Variants in LINGO3 observed in about 807,000 individuals in gnomAD.
The protein encoded by LINGO3 is leucine-rich repeat and immunoglobulin-like domain-containing nogo receptor-interacting protein 3.
For synonymous variants in LINGO3, 427 were observed against 444.2 expected (o/e 0.96, Z 0.49); for missense variants, 750 against 867.7 (o/e 0.86, Z 1.70).
At chr19:2,288,042 G>C (rs2025481961), downstream of LINGO3, among the ~76,000 whole-genome samples, 1 of 152,186 alleles carries the variant, frequency 6.6e-6, no homozygotes, top group Non-Finnish European at 1.5e-5. The surrounding 1 kb of genome is among the most constrained non-coding windows in gnomAD (Gnocchi z 6.5). Flanking sequence ...TGGTCCCTGT[G>C]GTCCCGGTCT....
chr19:2,289,870 A>G (rs2025500881), exon 1 of LINGO3: 2 of 761,574 alleles, frequency 2.6e-6, no homozygotes, highest in South Asian at 1.9e-5. Flanking sequence ...GGCGTCTACA[A>G]AAAAAGGGGA....
chr19:2,289,481 C>T (rs1287370732), downstream of LINGO3, among the ~76,000 whole-genome samples: 1 of 151,968 alleles, frequency 6.6e-6, no homozygotes, highest in Non-Finnish European at 1.5e-5. Context: ...AGGTGTAGGA[C>T]GGCCAGGTGT....
chr19:2,304,960 C>T, the LINGO3 span, among the ~76,000 whole-genome samples: 7 of 152,052 alleles, frequency 4.6e-5, no homozygotes, highest in East Asian at 3.9e-4. Flanking sequence ...CTGCCTGCCT[C>T]GGCCTTCCAA....
exon 1 of LINGO3, chr19:2,289,865 CTA>C: frequency 1.4e-6 from 1 of 713,828 alleles, no homozygotes; most frequent in Non-Finnish European, 2.3e-6. Context: ...GGTTGGGCGT[CTA>C]CAAAAAAAGG....
Position 2,291,835 on chromosome 19 carries a change from G to A in LINGO3, c.-59C>T. On this transcript the variant is annotated 5_prime_UTR_variant, in exon 1 of 1. Coordinates refer to ENST00000585527, the Ensembl canonical transcript of LINGO3. ...TCCTCCTGCGCACCTGCGGGCGGGC[G>A]GGGAGCGGGCAGCGTTAGCACCGTT... 1 of 1,406,504 alleles carries A rather than the reference G, an allele frequency of 7.1e-7. No individual in the cohort carries two copies. The highest frequency in any genetic ancestry group is 9.5e-7 in the Non-Finnish European group (1 of 1,050,014). The allele number at this position is 1,406,504 out of a possible 1,614,324, so 87.1% of individuals were successfully genotyped here. A position where few individuals can be genotyped will look rare whatever the true frequency, so the allele number is the denominator to read the frequency against.
At chr19:2,291,849 G>A (rs2025528301) in exon 1 of LINGO3, 1 of 1,232,464 alleles carries the variant, frequency 8.1e-7, no homozygotes. Context: ...AGCGGGCAGC[G>A]TTAGCACCGT....
upstream of LINGO3, among the ~76,000 whole-genome samples, chr19:2,292,427 C>G (rs528107280): frequency 5.2e-4 from 69 of 131,584 alleles, no homozygotes; most frequent in Non-Finnish European, 9.2e-4. Context: ...AAAAAAAAAG[C>G]AGCATTGATC....
At chr19:2,296,890 C>T (rs529097233), upstream of LINGO3, among the ~76,000 whole-genome samples, 21 of 151,398 alleles carry the variant, frequency 1.4e-4, no homozygotes, top group Admixed American at 3.9e-4. Context: ...AGATCGAGAC[C>T]ATCCTGGCTA....
chr19:2,301,632 C>T, the LINGO3 span, among the ~76,000 whole-genome samples: 2 of 152,066 alleles, frequency 1.3e-5, no homozygotes, highest in Non-Finnish European at 2.9e-5. Flanking sequence ...GAAGCAGGTA[C>T]AAGACGCGAC....
upstream of LINGO3, among the ~76,000 whole-genome samples, chr19:2,294,928 G>A (rs2025560142): frequency 6.6e-6 from 1 of 152,050 alleles, no homozygotes. This position sits in a 1 kb window ranked among gnomAD's most constrained non-coding sequence, Gnocchi z 4.3. Context: ...TGGCATCTTG[G>A]CAGCTGAGCC....
Position 2,290,855 on chromosome 19 carries a change from C to T in LINGO3, c.922G>A (p.Val308Met). 1 of 1,611,776 alleles carries T rather than the reference C, an allele frequency of 6.2e-7. No homozygotes were observed. The highest frequency in any genetic ancestry group is 1.1e-5 in the South Asian group (1 of 91,020). ...CCCAGGAAGGCCTGCGGCTCCACCA[C>T]AGCCAGCAGGGCCCCGGCCAGGTGC... The change falls in exon 1 of 1, where the codon GTG (valine) becomes ATG (methionine). Residue 308 changes from valine (V) to methionine (M), a missense_variant. By Grantham distance (21) the Val-to-Met change is conservative. Coordinates refer to ENST00000585527, the Ensembl canonical transcript of LINGO3. This position sits in a 1 kb window ranked among gnomAD's most constrained non-coding sequence, Gnocchi z 6.0.
chr19:2,304,330 A>G, the LINGO3 span, among the ~76,000 whole-genome samples: 1 of 152,158 alleles, frequency 6.6e-6, no homozygotes, highest in Admixed American at 6.6e-5. Flanking sequence ...GAAAAAATAA[A>G]CAGGGAAGGG....
In LINGO3 at chr19:2,290,295, C is replaced by A. The variant is rs1197491548; in HGVS notation, c.1482G>T (p.Thr494=). ...CGGCCGGCTCGGGGCGCACGGTCAG[C>A]GTGGCGAAGTAGGTGTCGTTGCCGC... Residue 494 remains threonine, a synonymous_variant, in exon 1 of 1, where the codon ACG becomes ACT. Transcript: ENST00000585527. This position sits in a 1 kb window ranked among gnomAD's most constrained non-coding sequence, Gnocchi z 6.0. The A allele has an allele frequency of 6.3e-7, 1 of 1,580,180 alleles. No individual in the cohort carries two copies. Among genetic ancestry groups the A allele is most frequent in the Admixed American group, 1.8e-5 (1 of 56,834 alleles).
chr19:2,298,769 G>A, the LINGO3 span, among the ~76,000 whole-genome samples: 2 of 152,076 alleles, frequency 1.3e-5, no homozygotes, highest in Admixed American at 6.6e-5. Context: ...TCGAACTCCT[G>A]ACCTCGTGAT....
At chr19:2,303,035 C>A in the LINGO3 span, among the ~76,000 whole-genome samples, 1 of 152,244 alleles carries the variant, frequency 6.6e-6, no homozygotes, top group Non-Finnish European at 1.5e-5. Context: ...CCATTCAACG[C>A]CTTCTAGCAC....
chr19:2,289,139 C>T (rs958672871), downstream of LINGO3, among the ~76,000 whole-genome samples: 1 of 149,794 alleles, frequency 6.7e-6, no homozygotes, highest in African/African-American at 2.5e-5. Flanking sequence ...CTGAGTGTGT[C>T]CTGCGTATGA....
chr19:2,287,332 C>T (rs1340528351), downstream of LINGO3, among the ~76,000 whole-genome samples: 2 of 152,028 alleles, frequency 1.3e-5, no homozygotes, highest in Non-Finnish European at 2.9e-5. The surrounding 1 kb of genome is among the most constrained non-coding windows in gnomAD (Gnocchi z 4.5). Flanking sequence ...GCCGAGAATG[C>T]ACCCCCTCCT....
In LINGO3 at chr19:2,291,609, G is replaced by T. The variant is rs1375849228; in HGVS notation, c.168C>A (p.Thr56=). The T allele has an allele frequency of 3.3e-6, 5 of 1,496,114 alleles. No individual in the cohort carries two copies. The East Asian group carries it at 1.0e-4, about 31-fold the overall frequency. The allele number at this position is 1,496,114 out of a possible 1,614,324, so 92.7% of individuals were successfully genotyped here. The change falls in exon 1 of 1, where the codon ACC becomes ACA. Residue 56 remains threonine, a synonymous_variant. Transcript: ENST00000585527. ...GGTTGCGGCTGAGCTCCAGCAGGCG[G>T]GTCTCGGCCGGGATGCCGTCGGGCA... is the stretch of plus-strand genomic sequence containing the variant.
chr19:2,303,986 T>A, the LINGO3 span, among the ~76,000 whole-genome samples: 2 of 152,334 alleles, frequency 1.3e-5, no homozygotes, highest in Non-Finnish European at 2.9e-5. Flanking sequence ...GGGTTCCCAG[T>A]CACTTCCCTG....
Sources: gnomAD v4.1 joint callset for allele counts (sites outside exome capture counted in the v4.1 genomes callset) on GRCh38, gnomAD v4.1.1 for gene constraint, Gnocchi (gnomAD v3.1) non-coding constraint, MANE v1.5 for transcripts, NCBI Gene and HGNC (gene_info 2026-07-23, HGNC 2026-07-21) for gene names.